ZNF808: variants seen among roughly 807,000 people sequenced by gnomAD.
The protein encoded by ZNF808 is zinc finger protein 808.
In ZNF808, 5 loss-of-function variants were observed where a neutral mutation model predicts 8.7. The observed-to-expected ratio is 0.58, with a 90% CI of 0.30 to 1.21. ZNF808 has a LOEUF of 1.21. Among genes scored for constraint, ZNF808 ranks in the 50% most tolerant of loss-of-function variants. ZNF808 has a pLI of 0.07. For synonymous variants in ZNF808, 380 were observed against 366.0 expected (o/e 1.04, Z -0.44); for missense variants, 1,103 against 1,098.4 (o/e 1.00, Z -0.06).
downstream of ZNF808, among the ~76,000 whole-genome samples, chr19:52,566,955 G>GTT (rs1367330212): frequency 6.3e-5 from 5 of 79,076 alleles, no homozygotes; most frequent in Non-Finnish European, 1.4e-4. Flanking sequence ...CCAAGGATAG[G>GTT]TGTTTTTTTT....
chr19:52,530,985 C>T lies in ZNF808; in HGVS notation c.-121-1923C>T, dbSNP rs1352707154. ...GAGTGAGACTCCGTCTCCCCGCCCCCCAAAAAAAGAAAAATTAGCCAAGGG... is the reference window on the plus strand; with the variant it reads ...GAGTGAGACTCCGTCTCCCCGCCCCTCAAAAAAAGAAAAATTAGCCAAGGG... On this transcript the variant is annotated intron_variant, in intron 1 of 4. Coordinates refer to ENST00000359798, the MANE Select transcript of ZNF808 (RefSeq NM_001039886.4). Among the ~76,000 whole-genome samples, 3 of 151,566 alleles carry T rather than the reference C, an allele frequency of 2.0e-5. No homozygotes were observed. The South Asian group carries it at 6.2e-4, about 31-fold the overall frequency.
At chr19:52,561,208 CT>C (rs1190629890), downstream of ZNF808, among the ~76,000 whole-genome samples, 1 of 32,696 alleles carries the variant, frequency 3.1e-5, no homozygotes, top group East Asian at 6.6e-4. Context: ...CTCTCTCTCT[CT>C]CTCTATATAT....
downstream of ZNF808, among the ~76,000 whole-genome samples, chr19:52,565,088 A>T (rs1186758166): frequency 2.6e-5 from 4 of 152,092 alleles, no homozygotes; most frequent in Admixed American, 6.6e-5. Flanking sequence ...TCCGTCTCAA[A>T]AAATAAATAA....
At position 52,555,586 on chromosome 19, in the gene ZNF808, TATTC is replaced by T. The variant is rs2059828851; in HGVS notation, c.2672_2675del (p.Ile891ThrfsTer8). ...AAGCCTTTAGTGACCGGTCAACACT[TATTC>T]ACCATCAGGCAATTCATGGTATAGG... On this transcript the variant is annotated frameshift_variant, in exon 5 of 5. Coordinates refer to ENST00000359798, the MANE Select transcript of ZNF808 (RefSeq NM_001039886.4). LOFTEE classifies it low-confidence loss of function (END_TRUNC). 1 of 1,610,936 alleles carries T rather than the reference TATTC, an allele frequency of 6.2e-7. No individual in the cohort carries two copies. Among genetic ancestry groups the T allele is most frequent in the African/African-American group, 1.3e-5 (1 of 74,796 alleles).
chr19:52,551,819 A>C (rs189913945), intron 4 of ZNF808, among the ~76,000 whole-genome samples: 5 of 151,908 alleles, frequency 3.3e-5, no homozygotes, highest in Admixed American at 6.6e-5. Flanking sequence ...CCTGGCCAAC[A>C]TGGTGAAACC....
rs73576294 is a variant in ZNF808 at position 52,540,080 on chromosome 19, C to T, written c.-19-3186C>T. 2.9e-3 allele frequency among the ~76,000 whole-genome samples: 442 copies of T among 151,952 alleles called. 2 individuals carry two copies. Among genetic ancestry groups the T allele is most frequent in the African/African-American group, 9.4e-3 (390 of 41,436 alleles). The stretch of plus-strand genomic sequence containing the variant: ...ACTCTGGAGTCTAGTGGCACGACCT[C>T]GTCTCACTGCAAACTCCGCCTCCTG... On this transcript the variant is annotated intron_variant, in intron 2 of 4. Transcript: ENST00000359798.
At chr19:52,547,750 T>TC in intron 4 of ZNF808, 112 bp downstream of exon 4, 1 of 1,525,322 alleles carries the variant, frequency 6.6e-7, no homozygotes, top group East Asian at 2.3e-5. Flanking sequence ...TTTTTTTTTT[T>TC]TTTTTTTTTG....
chr19:52,555,930 C>G lies in ZNF808; in HGVS notation c.*302C>G, dbSNP rs758057899. On this transcript the variant is annotated 3_prime_UTR_variant, in exon 5 of 5. Coordinates refer to ENST00000359798, the MANE Select transcript of ZNF808 (RefSeq NM_001039886.4). ...TTCACATTCACACCTCGTTGGACAT[C>G]AGAGAATCCATACTGGACAGAAATC... The G allele has an allele frequency of 1.5e-6, 1 of 664,504 alleles. No homozygotes were observed. Among genetic ancestry groups the G allele is most frequent in the Non-Finnish European group, 2.9e-6 (1 of 349,296 alleles). The allele number at this position is 664,504 out of a possible 1,614,324, so 41.2% of individuals were successfully genotyped here.
chr19:52,555,611 A>G lies in ZNF808; in HGVS notation c.2695A>G (p.Ile899Val), dbSNP rs369258505. Residue 899 changes from isoleucine to valine, a missense_variant, in exon 5 of 5, where the codon ATA becomes GTA. Physicochemically the swap from Ile to Val is conservative, Grantham distance 29 (BLOSUM62 3). Transcript: ENST00000359798. ...TATTCACCATCAGGCAATTCATGGT[A>G]TAGGGAAATTTGATTAATATAATGA... is the stretch of plus-strand genomic sequence containing the variant. ...TLIHHQAIHG[I>V]GKFD 44 of 1,600,352 alleles carry G rather than the reference A, an allele frequency of 2.7e-5. No homozygotes were observed. In the African/African-American group the frequency reaches 4.2e-4, roughly 15 times the overall value.
At position 52,553,890 on chromosome 19, in the gene ZNF808, G is replaced by A. The variant is rs764950523; in HGVS notation, c.974G>A (p.Arg325His). Residue 325 changes from arginine (R) to histidine (H), a missense_variant, in exon 5 of 5, where the codon CGT (arginine) becomes CAT (histidine). Physicochemically the swap from Arg to His is conservative, Grantham distance 29. Coordinates refer to ENST00000359798, the MANE Select transcript of ZNF808 (RefSeq NM_001039886.4). ...YKCNECGKVFRQNSALVIHKA... is the reference protein window; with the variant it reads ...YKCNECGKVFHQNSALVIHKA... ...TGTAATGAGTGTGGCAAGGTCTTTC[G>A]TCAAAATTCAGCCCTTGTAATTCAT... 21 of 1,613,846 alleles carry A rather than the reference G, an allele frequency of 1.3e-5. No individual in the cohort carries two copies. The highest frequency in any genetic ancestry group is 1.1e-4 in the African/African-American group (8 of 74,860).
Position 52,553,961 on chromosome 19 carries a change from G to A in ZNF808, c.1045G>A (p.Gly349Ser). Reference protein sequence around the residue: ...GEKPYKCNECGKAFNQQSHLS... With the variant: ...GEKPYKCNECSKAFNQQSHLS... ...GAAACCTTACAAGTGTAATGAATGT[G>A]GCAAGGCTTTTAATCAACAATCACA... The change falls in exon 5 of 5, where the codon GGC becomes AGC. Residue 349 changes from glycine (G) to serine (S), a missense_variant. By Grantham distance (56) the Gly-to-Ser change is moderately conservative. Coordinates refer to ENST00000359798, the MANE Select transcript of ZNF808 (RefSeq NM_001039886.4). 2 of 1,614,088 alleles carry A rather than the reference G, an allele frequency of 1.2e-6. No individual in the cohort carries two copies. Among genetic ancestry groups the A allele is most frequent in the South Asian group, 1.1e-5 (1 of 91,070 alleles).
At chr19:52,550,094 T>G (rs1264211226) in intron 4 of ZNF808, among the ~76,000 whole-genome samples, 5 of 152,232 alleles carry the variant, frequency 3.3e-5, no homozygotes, top group Admixed American at 6.5e-5. Context: ...CCTAAGAACA[T>G]GTCGTGGGAT....
rs549169072 is a variant in ZNF808 at position 52,539,558 on chromosome 19, T to G, written c.-19-3708T>G. Among the ~76,000 whole-genome samples, 54 of 140,930 alleles carry G rather than the reference T, an allele frequency of 3.8e-4. No individual in the cohort carries two copies. The South Asian group carries it at 9.1e-3, about 24-fold the overall frequency. The allele number at this position is 140,930 out of a possible 152,430, so 92.5% of individuals were successfully genotyped here. ...ATTTTTGTTGTGGTGGTTTTTTTTT[T>G]TTTTTTTTTTTTTTTGACGGAGTTT... On this transcript the variant is annotated intron_variant, in intron 2 of 4. Coordinates refer to ENST00000359798, the MANE Select transcript of ZNF808 (RefSeq NM_001039886.4).
chr19:52,544,032 G>A (rs1215009150), intron 3 of ZNF808, among the ~76,000 whole-genome samples: 1 of 152,070 alleles, frequency 6.6e-6, no homozygotes, highest in Non-Finnish European at 1.5e-5. Flanking sequence ...GGTGGTGCAT[G>A]CCTGTAATCT....
chr19:52,561,163 TCTCTCTCTCTCTCTCTC>T (rs2059855350), downstream of ZNF808, among the ~76,000 whole-genome samples: 526 of 67,082 alleles, frequency 7.8e-3, 8 homozygotes, highest in East Asian at 0.018. Context: ...ATCTGTTCTC[TCTCTCTCTCTCTCTCTC>T]TCTCTCTCTC....
At chr19:52,534,834 A>G (rs1196986363) in intron 2 of ZNF808, among the ~76,000 whole-genome samples, 1 of 152,186 alleles carries the variant, frequency 6.6e-6, no homozygotes, top group Non-Finnish European at 1.5e-5. Flanking sequence ...GGCTGCAGTG[A>G]GCCACGATCT....
At chr19:52,544,394 G>A (rs939923237) in intron 3 of ZNF808, among the ~76,000 whole-genome samples, 3 of 151,806 alleles carry the variant, frequency 2.0e-5, no homozygotes, top group African/African-American at 4.8e-5. Flanking sequence ...GCAGTGGTAC[G>A]ATCTCGGCTC....
chr19:52,537,598 G>A (rs1232703860), intron 2 of ZNF808, among the ~76,000 whole-genome samples: 4 of 151,906 alleles, frequency 2.6e-5, no homozygotes, highest in Non-Finnish European at 5.9e-5. Context: ...GGAGGCTGGA[G>A]GATCACTTGA....
rs750892248 is a variant in ZNF808 at position 52,553,141 on chromosome 19, G to C, written c.225G>C (p.Leu75Phe). 3.8e-6 allele frequency: 6 copies of C among 1,575,960 alleles called. No individual in the cohort carries two copies. The highest frequency in any genetic ancestry group is 5.1e-6 in the Non-Finnish European group (6 of 1,165,262). ...ISSKHMMKEV[L>F]STGQGNREVI... ...CCAAACACATGATGAAGGAGGTCTT[G>C]TCAACAGGGCAAGGCAATAGAGAAG... is the stretch of plus-strand genomic sequence containing the variant. The change falls in exon 5 of 5, where the codon TTG (leucine) becomes TTC (phenylalanine). Residue 75 changes from leucine (L) to phenylalanine (F), a missense_variant. Transcript: ENST00000359798.
Sources: gnomAD v4.1 joint callset for allele counts (sites outside exome capture counted in the v4.1 genomes callset) on GRCh38, gnomAD v4.1.1 for gene constraint, MANE v1.5 for transcripts, NCBI Gene and HGNC (gene_info 2026-07-23, HGNC 2026-07-21) for gene names.